ZNF449: variants seen among roughly 807,000 people sequenced by gnomAD.
ZNF449 encodes the protein zinc finger and SCAN domain-containing protein 19.
ZNF449 carries 4 observed loss-of-function variants against 32.6 expected under a neutral mutation model. That is an observed-to-expected ratio of 0.12 (90% CI 0.06 to 0.28). ZNF449 has a LOEUF of 0.28. ZNF449 is among the 10% of genes least tolerant of loss of function. The pLI, the probability that ZNF449 is intolerant of heterozygous loss-of-function variation, is 1.00. For missense variants in ZNF449, 275 were observed against 383.2 expected (o/e 0.72, Z 2.36); for synonymous variants, 123 against 132.2 (o/e 0.93, Z 0.48).
At chrX:135,355,667 A>T (rs1368436935) in intron 3 of ZNF449, among the ~76,000 whole-genome samples, 3 of 111,475 alleles carry the variant, frequency 2.7e-5, no homozygotes, top group African/African-American at 9.8e-5. Context: ...CAATATTTAA[A>T]TTTTTTTTAC....
chrX:135,357,834 C>T (rs1384782068), intron 3 of ZNF449, among the ~76,000 whole-genome samples: 6 of 110,876 alleles, frequency 5.4e-5, no homozygotes, highest in Non-Finnish European at 1.1e-4. Context: ...CTTTTTCCAT[C>T]CCTTTACATT....
rs782460805 is a variant in ZNF449 at position 135,363,188 on chromosome X, A to C, written c.*2112A>C. On this transcript the variant is annotated 3_prime_UTR_variant, in exon 5 of 5. Coordinates refer to ENST00000339249, the MANE Select transcript of ZNF449 (RefSeq NM_152695.6). ...CTAATTAATTATTTGAACAACTTAG[A>C]GCTTCTTCCCTGAACAGTGGCAACA... The C allele has an allele frequency of 8.9e-6, 1 of 112,150 alleles. No individual in the cohort carries two copies. Among genetic ancestry groups the C allele is most frequent in the Non-Finnish European group, 1.9e-5 (1 of 53,221 alleles). The allele number at this position is 112,150 out of a possible 1,213,427, so 9.2% of individuals were successfully genotyped here.
intron 3 of ZNF449, among the ~76,000 whole-genome samples, chrX:135,350,558 A>G (rs2084879988): frequency 8.9e-6 from 1 of 112,061 alleles, no homozygotes; most frequent in Non-Finnish European, 1.9e-5. Flanking sequence ...TCCACATCAT[A>G]TTAATATCAT....
At chrX:135,346,403 C>G (rs935648199) in intron 1 of ZNF449, among the ~76,000 whole-genome samples, 2 of 112,040 alleles carry the variant, frequency 1.8e-5, no homozygotes, top group South Asian at 7.4e-4. Flanking sequence ...CCTAAGTTCA[C>G]TTTGGTCGAA....
rs1239679373 is a variant in ZNF449 at position 135,360,760 on chromosome X, A to C, written c.1241A>C (p.Lys414Thr). Reference sequence around the variant, plus strand: ...ACATATAAATGTCTTGAGTGTGGGAAAAGTTTTTGTCATGGATCAAGTCTT... The same window carrying C: ...ACATATAAATGTCTTGAGTGTGGGACAAGTTTTTGTCATGGATCAAGTCTT... ...EETYKCLECG[K>T]SFCHGSSLKR... The change falls in exon 5 of 5, where the codon AAA (lysine) becomes ACA (threonine). Residue 414 changes from lysine (K) to threonine (T), a missense_variant. Lys to Thr is a moderately conservative substitution (Grantham distance 78, BLOSUM62 -1). Coordinates refer to ENST00000339249, the MANE Select transcript of ZNF449 (RefSeq NM_152695.6). 4 of 1,209,809 alleles carry C rather than the reference A, an allele frequency of 3.3e-6. No individual in the cohort carries two copies. Among genetic ancestry groups the C allele is most frequent in the Non-Finnish European group, 4.5e-6 (4 of 895,144 alleles).
At chrX:135,353,943 A>G (rs2084902073) in intron 3 of ZNF449, among the ~76,000 whole-genome samples, 1 of 111,984 alleles carries the variant, frequency 8.9e-6, no homozygotes, top group South Asian at 3.7e-4. Context: ...CTTTACAGAT[A>G]GCTTACATTG....
chrX:135,355,523 G>GT (rs1208638948), intron 3 of ZNF449, among the ~76,000 whole-genome samples: 7 of 110,073 alleles, frequency 6.4e-5, no homozygotes, highest in Non-Finnish European at 9.5e-5. Context: ...AAAATCTATT[G>GT]TTTTTTTCCC....
chrX:135,349,187 G>A lies in ZNF449; in HGVS notation c.432G>A (p.Glu144=), dbSNP rs1556449503. 5 of 1,209,608 alleles carry A rather than the reference G, an allele frequency of 4.1e-6. No homozygotes were observed. The highest frequency in any genetic ancestry group is 5.6e-6 in the Non-Finnish European group (5 of 895,069). The change falls in exon 3 of 5, where the codon GAG becomes GAA. Residue 144 remains glutamate, a synonymous_variant. Coordinates refer to ENST00000339249, the MANE Select transcript of ZNF449 (RefSeq NM_152695.6). The stretch of plus-strand genomic sequence containing the variant: ...ACATACCACCAACCATGCACCTAGA[G>A]TCACCTGCACTCCAGGTAATGGGAC... The part of the protein sequence containing the change: ...TAHIPPTMHL[E]SPALQVMGPA...
At chrX:135,345,570 G>T (rs2084839120) in intron 1 of ZNF449, among the ~76,000 whole-genome samples, 1 of 112,251 alleles carries the variant, frequency 8.9e-6, no homozygotes, top group Non-Finnish European at 1.9e-5. Context: ...TATTCGCTTC[G>T]CATGCAATTG....
At chrX:135,358,977 G>A (rs1013823600) in intron 3 of ZNF449, among the ~76,000 whole-genome samples, 3 of 111,572 alleles carry the variant, frequency 2.7e-5, no homozygotes, top group African/African-American at 9.7e-5. Context: ...CTAAAACAAG[G>A]TATTTTAGCC....
chrX:135,345,992 G>A (rs999884092), intron 1 of ZNF449, among the ~76,000 whole-genome samples: 28 of 111,807 alleles, frequency 2.5e-4, no homozygotes, highest in African/African-American at 8.8e-4. Context: ...AGATTTTGAC[G>A]TAATCACCAT....
rs2148507378 is a variant in ZNF449 at position 135,361,783 on chromosome X, A to C, written c.*707A>C. 1 of 111,413 alleles carries C rather than the reference A, an allele frequency of 9.0e-6. No homozygotes were observed. The highest frequency in any genetic ancestry group is 3.3e-5 in the African/African-American group (1 of 30,736). The allele number at this position is 111,413 out of a possible 1,213,427, so 9.2% of individuals were successfully genotyped here. ...ATCATGTGTCTTTTAGTGCTTTTTA[A>C]AATTTTACCCATTCTTTAATTCAGC... On this transcript the variant is annotated 3_prime_UTR_variant, in exon 5 of 5. Transcript: ENST00000339249.
chrX:135,359,805 A>ATCCTT (rs2148506663), intron 3 of ZNF449, 87 bp from the exon 4 acceptor site: 1 of 525,038 alleles, frequency 1.9e-6, no homozygotes, highest in East Asian at 3.7e-5. Flanking sequence ...AGATACTAAG[A>ATCCTT]GGCTATCTGT....
intron 3 of ZNF449, among the ~76,000 whole-genome samples, chrX:135,352,751 A>T (rs2084895061): frequency 8.9e-6 from 1 of 112,184 alleles, no homozygotes; most frequent in Admixed American, 9.4e-5. Flanking sequence ...ATACCAAAAA[A>T]TTTACCATAA....
chrX:135,345,876 C>T (rs1336541706), intron 1 of ZNF449, among the ~76,000 whole-genome samples: 2 of 111,875 alleles, frequency 1.8e-5, no homozygotes, highest in South Asian at 7.6e-4. Flanking sequence ...TGGGCAGATA[C>T]AGGTCTTGAG....
At chrX:135,357,758 GT>G (rs1556452341) in intron 3 of ZNF449, among the ~76,000 whole-genome samples, 1 of 111,021 alleles carries the variant, frequency 9.0e-6, no homozygotes. Context: ...AGTAACAGGG[GT>G]TTTTTTGTTT....
At chrX:135,350,417 A>G (rs782713048) in intron 3 of ZNF449, among the ~76,000 whole-genome samples, 2 of 112,003 alleles carry the variant, frequency 1.8e-5, no homozygotes, top group East Asian at 5.6e-4. Flanking sequence ...CGCACGTTCA[A>G]GAGACTGTTA....
intron 3 of ZNF449, among the ~76,000 whole-genome samples, chrX:135,350,165 C>A (rs782035018): frequency 9.0e-6 from 1 of 111,328 alleles, no homozygotes; most frequent in South Asian, 3.8e-4. Flanking sequence ...CACTACCACA[C>A]GTAGAGACGG....
intron 1 of ZNF449, among the ~76,000 whole-genome samples, chrX:135,345,393 G>C (rs781995563): frequency 8.9e-6 from 1 of 111,795 alleles, no homozygotes; most frequent in South Asian, 3.8e-4. Flanking sequence ...CAGCTGTGAG[G>C]CTGGCGCAGA....
Sources: gnomAD v4.1 joint callset for allele counts (sites outside exome capture counted in the v4.1 genomes callset) on GRCh38, gnomAD v4.1.1 for gene constraint, MANE v1.5 for transcripts, NCBI Gene and HGNC (gene_info 2026-07-23, HGNC 2026-07-21) for gene names.